DIP2A: variants seen among roughly 807,000 people sequenced by gnomAD.
DIP2A encodes the protein disco-interacting protein 2 homolog A.
DIP2A carries 85 observed loss-of-function variants against 177.4 expected under a neutral mutation model. That is an observed-to-expected ratio of 0.48 (90% CI 0.40 to 0.57). DIP2A has a LOEUF of 0.57. Ranked by LOEUF, DIP2A falls within the 20% of genes least tolerant of loss-of-function variation. DIP2A has a pLI of 0.00. For synonymous variants in DIP2A, 886 were observed against 881.8 expected, an observed-to-expected ratio of 1.00 and a Z score of -0.08; for missense variants, 1,791 against 2,100.2, an observed-to-expected ratio of 0.85 and a Z score of 2.88.
intron 26 of DIP2A, 78 bp from the exon 27 acceptor site, chr21:46,554,497 T>C: frequency 6.4e-7 from 1 of 1,572,958 alleles, no homozygotes; most frequent in Non-Finnish European, 8.6e-7. Flanking sequence ...TCCCCTCCTC[T>C]CTCGCAGGAA....
At chr21:46,582,622 C>T in the DIP2A span, among the ~76,000 whole-genome samples, 1 of 152,140 alleles carries the variant, frequency 6.6e-6, no homozygotes, top group African/African-American at 2.4e-5. Context: ...TCCCGACTCT[C>T]CATGGGTTGT....
Position 46,563,804 on chromosome 21 carries a change from G to C in DIP2A, c.4090-54G>C. On this transcript the variant is annotated intron_variant, in intron 34 of 37. Transcript: ENST00000417564. The surrounding 1 kb of genome is among the most constrained non-coding windows in gnomAD (Gnocchi z 4.3). ...CGTTATTTTAATGTCACTGAATCAA[G>C]AGAGTCTCGTGTCATGTTTTCTTTA... 6.3e-7 allele frequency: 1 copy of C among 1,598,738 alleles called. No individual in the cohort carries two copies. The highest frequency in any genetic ancestry group is 2.2e-5 in the East Asian group (1 of 44,478).
chr21:46,576,625 G>A, the DIP2A span, among the ~76,000 whole-genome samples: 6 of 152,058 alleles, frequency 3.9e-5, no homozygotes, highest in Non-Finnish European at 7.4e-5. Flanking sequence ...TTTATATTCC[G>A]CTGGGTATAT....
chr21:46,554,561 C>A lies in DIP2A; in HGVS notation c.3155-14C>A. 3 of 1,610,532 alleles carry A rather than the reference C, an allele frequency of 1.9e-6. No individual in the cohort carries two copies. Among genetic ancestry groups the A allele is most frequent in the Non-Finnish European group, 2.5e-6 (3 of 1,178,582 alleles). On this transcript the variant is annotated splice_polypyrimidine_tract_variant and intron_variant, in intron 26 of 37. Transcript: ENST00000417564. ...TGCGGCCGGCCTCCTCACAGCCAGT[C>A]CTTGTCTCCACAGGGGTGGACCTCA...
intron 3 of DIP2A, among the ~76,000 whole-genome samples, chr21:46,496,282 C>T (rs894525458): frequency 2.0e-5 from 3 of 152,084 alleles, no homozygotes; most frequent in Non-Finnish European, 2.9e-5. Context: ...CTATTAAGTG[C>T]TTTTCATTTG....
rs745702063 is a variant in DIP2A at position 46,534,014 on chromosome 21, G to A, written c.1440G>A (p.Pro480=). The A allele has an allele frequency of 2.4e-5, 38 of 1,612,988 alleles. No homozygotes were observed. Among genetic ancestry groups the A allele is most frequent in the Middle Eastern group, 1.6e-4 (1 of 6,084 alleles). ...GEVAAFKGWP[P]LSWLVIDGKH... is the part of the protein sequence containing the mutation. The stretch of plus-strand genomic sequence containing the variant: ...GTCTGTGTGTCACAGGTTGGCCCCC[G>A]CTCTCCTGGCTAGTGATTGATGGGA... The change falls in exon 12 of 38, where the codon CCG becomes CCA. Residue 480 remains proline (P), a synonymous_variant. Transcript: ENST00000417564.
intron 6 of DIP2A, among the ~76,000 whole-genome samples, chr21:46,506,123 AC>A (rs968167344): frequency 1.3e-5 from 2 of 151,468 alleles, no homozygotes; most frequent in Non-Finnish European, 2.9e-5. Flanking sequence ...GGTGTATTTC[AC>A]CTTTTTTTTT....
At chr21:46,548,607 A>G (rs1168511687) in intron 21 of DIP2A, among the ~76,000 whole-genome samples, 2 of 152,250 alleles carry the variant, frequency 1.3e-5, no homozygotes, top group African/African-American at 4.8e-5. Flanking sequence ...CAGCTAGAGA[A>G]CAAGTAGAGA....
chr21:46,485,066 G>T (rs1015780938), intron 2 of DIP2A, among the ~76,000 whole-genome samples: 1 of 152,060 alleles, frequency 6.6e-6, no homozygotes, highest in Non-Finnish European at 1.5e-5. Flanking sequence ...TAAAGCTCTG[G>T]CTTGATACAG....
Position 46,511,514 on chromosome 21 carries a change from G to A in DIP2A, c.1002G>A (p.Ser334=), listed in dbSNP as rs531391462. 298 of 1,612,416 alleles carry A rather than the reference G, an allele frequency of 1.8e-4. 4 individuals carry two copies. The South Asian group carries it at 2.6e-3, about 14-fold the overall frequency. ...CTGCAGGTGTCCCCCGACCGCCGTC[G>A]CTGTTGGCCACCTTGCAGCGCTGGG... ...PLTAGVPRPP[S]LLATLQRWGT... Residue 334 remains serine (S), a synonymous_variant, in exon 8 of 38, where the codon TCG becomes TCA. Transcript: ENST00000417564.
chr21:46,490,146 T>G (rs2056925580), intron 2 of DIP2A, among the ~76,000 whole-genome samples: 1 of 152,230 alleles, frequency 6.6e-6, no homozygotes, highest in Admixed American at 6.5e-5. Flanking sequence ...AGAGGGCTAC[T>G]GGTGGACCCC....
intron 1 of DIP2A, among the ~76,000 whole-genome samples, chr21:46,465,374 C>T (rs979791108): frequency 3.3e-5 from 5 of 151,816 alleles, no homozygotes; most frequent in African/African-American, 1.2e-4. Flanking sequence ...TCGAGACCAG[C>T]CTGACCAACA....
the DIP2A span, among the ~76,000 whole-genome samples, chr21:46,578,961 G>A: frequency 6.6e-6 from 1 of 152,150 alleles, no homozygotes; most frequent in Non-Finnish European, 1.5e-5. Flanking sequence ...TCGGGATGAT[G>A]CTCGTCTCAT....
At position 46,563,037 on chromosome 21, in the gene DIP2A, C is replaced by T. The variant is rs549990715; in HGVS notation, c.4090-821C>T. 6.6e-6 allele frequency among the ~76,000 whole-genome samples: 1 copy of T among 152,308 alleles called. No homozygotes were observed. Among genetic ancestry groups the T allele is most frequent in the East Asian group, 1.9e-4 (1 of 5,180 alleles). ...GACGTTCTTTCCTATTTTGCTGTTA[C>T]AATCACTTGGGCCTGATAGGTTTGT... On this transcript the variant is annotated intron_variant, in intron 34 of 37. Transcript: ENST00000417564. The surrounding 1 kb of genome is among the most constrained non-coding windows in gnomAD (Gnocchi z 4.3).
chr21:46,572,154 A>G (rs1054986521), downstream of DIP2A, among the ~76,000 whole-genome samples: 1 of 152,236 alleles, frequency 6.6e-6, no homozygotes, highest in African/African-American at 2.4e-5. Context: ...TTTTAGAGAA[A>G]AAAGTTTATA....
rs1601806070 is a variant in DIP2A, at chr21:46,550,014, T to A, written c.2637+129T>A. The A allele has an allele frequency of 5.3e-6, 8 of 1,506,404 alleles. No individual in the cohort carries two copies. The East Asian group carries it at 1.8e-4, about 35-fold the overall frequency. The allele number at this position is 1,506,404 out of a possible 1,614,324, so 93.3% of individuals were successfully genotyped here. Reference sequence around the variant, plus strand: ...GGCTCCAGCTTTGTTTATCTGTATTTTTCATTGCAAATTGACAAATTACAG... The same window carrying A: ...GGCTCCAGCTTTGTTTATCTGTATTATTCATTGCAAATTGACAAATTACAG... On this transcript the variant is annotated intron_variant, in intron 22 of 37. Coordinates refer to ENST00000417564, the MANE Select transcript of DIP2A (RefSeq NM_015151.4).
intron 32 of DIP2A, 91 bp downstream of exon 32, chr21:46,558,484 G>A (rs772230012): frequency 1.8e-5 from 23 of 1,311,248 alleles, no homozygotes; most frequent in Non-Finnish European, 2.0e-5. Flanking sequence ...TTTTGTAGCC[G>A]CCTGATCTAT....
chr21:46,558,625 G>A (rs893364954), intron 32 of DIP2A: 3 of 568,412 alleles, frequency 5.3e-6, no homozygotes, highest in African/African-American at 1.9e-5. Context: ...TTTTTGAACA[G>A]TGACTAATAA....
chr21:46,464,844 T>TTTTTTTTTTTTTTTTTTTTTTTCC (rs58546395), intron 1 of DIP2A, among the ~76,000 whole-genome samples: 1 of 111,218 alleles, frequency 9.0e-6, no homozygotes. Flanking sequence ...TTTTTTTTTT[T>TTTTTTTTTTTTTTTTTTTTTTTCC]CAAGAAAACA....
Sources: allele counts gnomAD v4.1 joint callset (sites outside exome capture counted in the v4.1 genomes callset), GRCh38; gene constraint gnomAD v4.1.1; non-coding constraint Gnocchi (gnomAD v3.1); transcripts MANE v1.5; gene names NCBI Gene and HGNC (gene_info 2026-07-23, HGNC 2026-07-21).